The following EWSR1 variants were observed in gnomAD, a reference collection of about 807,000 sequenced individuals.
EWSR1 encodes RNA-binding protein EWS.
In EWSR1, 14 loss-of-function variants were observed where a neutral mutation model predicts 92.1. That is an observed-to-expected ratio of 0.15 (90% CI 0.10 to 0.24). The LOEUF is 0.24. EWSR1 is among the 10% of genes least tolerant of loss of function. The probability of loss-of-function intolerance (pLI) is 1.00; values close to 1 mark genes in which losing one functional copy is unlikely to be tolerated. For missense variants in EWSR1, 637 were observed against 870.9 expected (o/e 0.73, Z 3.38); for synonymous variants, 303 against 292.9 (o/e 1.03, Z -0.35).
chr22:29,277,970 G>T, intron 4 of EWSR1, 60 bp from the exon 5 acceptor site: 1 of 1,456,488 alleles, frequency 6.9e-7, no homozygotes, highest in Non-Finnish European at 9.4e-7. Context: ...TTCTGATAAT[G>T]AGTGTCTAGG....
chr22:29,296,531 A>G (rs991871186), intron 12 of EWSR1, among the ~76,000 whole-genome samples, 163 bp downstream of exon 12: 4 of 152,174 alleles, frequency 2.6e-5, no homozygotes, highest in African/African-American at 9.7e-5. Flanking sequence ...TTGACCCTGG[A>G]TTTGGAGATC....
chr22:29,300,473 G>GTGAT lies in EWSR1; in HGVS notation c.*313_*316dup. The GTGAT allele has an allele frequency of 3.8e-6, 1 of 262,350 alleles. No homozygotes were observed. Among genetic ancestry groups the GTGAT allele is most frequent in the Non-Finnish European group, 7.1e-6 (1 of 140,838 alleles). The allele number at this position is 262,350 out of a possible 1,614,324, so 16.3% of individuals were successfully genotyped here. ...CTTAACTGTAACAATGTTCATGGTT[G>GTGAT]TGATGTTTTTTTTTTTTTTTTAAAT... On this transcript the variant is annotated 3_prime_UTR_variant, in exon 17 of 17. Coordinates refer to ENST00000397938, the MANE Select transcript of EWSR1 (RefSeq NM_005243.4).
chr22:29,271,282 AAAAC>A (rs2058662713), intron 1 of EWSR1, among the ~76,000 whole-genome samples: 1 of 152,244 alleles, frequency 6.6e-6, no homozygotes, highest in African/African-American at 2.4e-5. Context: ...CCTTTAAAAA[AAAAC>A]TAAATTTATC....
At chr22:29,285,752 G>GC (rs2059976798) in intron 6 of EWSR1, among the ~76,000 whole-genome samples, 1 of 151,390 alleles carries the variant, frequency 6.6e-6, no homozygotes, top group South Asian at 2.1e-4. Flanking sequence ...CACTGGGTCA[G>GC]CCTTCCCCAA....
rs1242719039 is a variant in EWSR1 at position 29,282,656 on chromosome 22, T to C, written c.581+99T>C. 3.0e-6 allele frequency: 3 copies of C among 1,011,394 alleles called. No individual in the cohort carries two copies. In the Admixed American group the frequency reaches 1.1e-4, roughly 35 times the overall value. 62.7% of individuals were successfully genotyped at this position (1,011,394 alleles called of 1,614,324 possible). A position where few individuals can be genotyped will look rare whatever the true frequency, so the allele number is the denominator to read the frequency against. On this transcript the variant is annotated intron_variant, in intron 6 of 16. Transcript: ENST00000397938. Reference sequence around the variant, plus strand: ...TGACTTCTTCAGCTAAGGTATGTTATCTGACTGTCGCAGTGATAAGTCATC... The same window carrying C: ...TGACTTCTTCAGCTAAGGTATGTTACCTGACTGTCGCAGTGATAAGTCATC...
intron 1 of EWSR1, among the ~76,000 whole-genome samples, chr22:29,271,720 G>A (rs933875057): frequency 1.3e-5 from 2 of 152,216 alleles, no homozygotes; most frequent in African/African-American, 4.8e-5. Flanking sequence ...TTGAGCTAGG[G>A]AATGATGGTT....
rs1262857727 is a variant in EWSR1 at position 29,288,653 on chromosome 22, G to A, written c.841G>A (p.Glu281Lys). ...CAGTAGCATGGGTGTTTATGGGCAG[G>A]AGTCTGGAGGATTTTCCGGACCAGG... The part of the protein sequence containing the change: ...HPSSMGVYGQ[E>K]SGGFSGPGEN... Residue 281 changes from glutamate to lysine, a missense_variant, in exon 8 of 17, where the codon GAG (glutamate) becomes AAG (lysine). Physicochemically the swap from Glu to Lys is moderately conservative, Grantham distance 56. This residue lies in a region of EWSR1 where 116 missense variants were observed against 167.8 expected (regional missense o/e 0.69). Coordinates refer to ENST00000397938, the MANE Select transcript of EWSR1 (RefSeq NM_005243.4). 6.2e-7 allele frequency: 1 copy of A among 1,613,592 alleles called. No homozygotes were observed. The highest frequency in any genetic ancestry group is 8.5e-7 in the Non-Finnish European group (1 of 1,179,862).
intron 6 of EWSR1, among the ~76,000 whole-genome samples, chr22:29,285,513 A>G (rs943103453): frequency 6.6e-6 from 1 of 151,446 alleles, no homozygotes; most frequent in South Asian, 2.1e-4. Flanking sequence ...TTTGTCTTTC[A>G]TACAATTCCT....
At chr22:29,272,653 A>G (rs2146786273) in intron 3 of EWSR1, among the ~76,000 whole-genome samples, 1 of 152,338 alleles carries the variant, frequency 6.6e-6, no homozygotes, top group African/African-American at 2.4e-5. Flanking sequence ...ACTTTTTAAT[A>G]TGATTTCTCA....
At chr22:29,281,976 A>C (rs1260396603) in intron 5 of EWSR1, among the ~76,000 whole-genome samples, 1 of 152,198 alleles carries the variant, frequency 6.6e-6, no homozygotes, top group Non-Finnish European at 1.5e-5. Context: ...TGTTACTTCA[A>C]CCTAAAACTT....
At chr22:29,277,416 G>A (rs922410844) in intron 4 of EWSR1, 5 of 222,290 alleles carry the variant, frequency 2.2e-5, no homozygotes, top group Non-Finnish European at 4.5e-5. Flanking sequence ...ACTGTGTTAA[G>A]CAACTATAAT....
chr22:29,297,783 A>AGGGAGT (rs2060981733), intron 12 of EWSR1, 44 bp from the exon 13 acceptor site: 1 of 1,607,418 alleles, frequency 6.2e-7, no homozygotes. Flanking sequence ...GTTGGTGAAC[A>AGGGAGT]GGGAGTACAG....
Position 29,297,820 on chromosome 22 carries a change from G to A in EWSR1, c.1295-7G>A. On this transcript the variant is annotated splice_region_variant and splice_polypyrimidine_tract_variant and intron_variant, in intron 12 of 16. Transcript: ENST00000397938. ...GGAGTAATTGATGTTCTGTTGTCTT[G>A]TTCCAGGGAAAGATTTTCAAGGGAG... 8 of 1,613,742 alleles carry A rather than the reference G, an allele frequency of 5.0e-6. No individual in the cohort carries two copies. Among genetic ancestry groups the A allele is most frequent in the Non-Finnish European group, 6.8e-6 (8 of 1,179,862 alleles).
At chr22:29,280,309 C>G (rs918052128) in intron 5 of EWSR1, among the ~76,000 whole-genome samples, 4 of 152,296 alleles carry the variant, frequency 2.6e-5, no homozygotes, top group Admixed American at 1.3e-4. Flanking sequence ...CTCAAGTGAT[C>G]CGCCTGCCTT....
intron 8 of EWSR1, chr22:29,289,450 A>G (rs1012453683): frequency 2.2e-5 from 5 of 232,070 alleles, no homozygotes; most frequent in African/African-American, 1.1e-4. Context: ...TGGTTTAGAA[A>G]ACTTTGTTTA....
chr22:29,284,077 G>A (rs1602362402), intron 6 of EWSR1, among the ~76,000 whole-genome samples: 2 of 150,632 alleles, frequency 1.3e-5, no homozygotes, highest in South Asian at 2.1e-4. Context: ...CAGGTGATCC[G>A]CCTGCCTCGG....
chr22:29,300,280 C>T lies in EWSR1; in HGVS notation c.*119C>T. 1.0e-6 allele frequency: 1 copy of T among 969,828 alleles called. No individual in the cohort carries two copies. The highest frequency in any genetic ancestry group is 1.6e-6 in the Non-Finnish European group (1 of 642,466). The allele number at this position is 969,828 out of a possible 1,614,324, so 60.1% of individuals were successfully genotyped here. On this transcript the variant is annotated 3_prime_UTR_variant, in exon 17 of 17. Coordinates refer to ENST00000397938, the MANE Select transcript of EWSR1 (RefSeq NM_005243.4). ...CCACAACATTATGATTATTCCTTGT[C>T]TGTACTTTAGTATTTTTCACCATTT...
At chr22:29,288,353 G>A (rs1003349473) in intron 7 of EWSR1, among the ~76,000 whole-genome samples, 1 of 152,102 alleles carries the variant, frequency 6.6e-6, no homozygotes, top group Non-Finnish European at 1.5e-5. Flanking sequence ...TTAGCCAGAG[G>A]GCTTTTTTTG....
Position 29,299,555 on chromosome 22 carries a change from G to A in EWSR1, c.1679-44G>A, listed in dbSNP as rs200714851. 469 of 1,546,598 alleles carry A rather than the reference G, an allele frequency of 3.0e-4. 4 individuals are homozygous for A. In the African/African-American group the frequency reaches 4.6e-3, roughly 15 times the overall value. ...CTTCCACAGTGTCCACAGGGCCTCT[G>A]CAGCCACCCACTGACTGCTTTCGCC... On this transcript the variant is annotated intron_variant, in intron 15 of 16. Transcript: ENST00000397938.
Sources: gnomAD v4.1 joint callset for allele counts (sites outside exome capture counted in the v4.1 genomes callset) on GRCh38, gnomAD v4.1.1 for gene constraint, gnomAD v4.1.1 regional missense constraint, MANE v1.5 for transcripts, NCBI Gene and HGNC (gene_info 2026-07-23, HGNC 2026-07-21) for gene names.